Variants in HEATR6 observed in about 807,000 individuals in gnomAD.
HEATR6 encodes the protein HEAT repeat-containing protein 6.
HEATR6 carries 106 observed loss-of-function variants against 132.8 expected under a neutral mutation model. That is an observed-to-expected ratio of 0.80 (90% confidence interval 0.68 to 0.94). The LOEUF is 0.94. Among genes scored for constraint, HEATR6 ranks in the 40% least tolerant of loss-of-function variants. The pLI is 0.00. For missense variants in HEATR6, 1,339 were observed against 1,425.1 expected (o/e 0.94, Z 0.97); for synonymous variants, 529 against 537.8 (o/e 0.98, Z 0.23).
chr17:60,059,855 G>A (rs758106067), intron 10 of HEATR6, 35 bp downstream of exon 10: 1 of 1,507,942 alleles, frequency 6.6e-7, no homozygotes, highest in South Asian at 1.1e-5. Flanking sequence ...TTAAAACAGA[G>A]AAGCCTGCTC....
chr17:60,058,340 C>T (rs1906820684), intron 11 of HEATR6, among the ~76,000 whole-genome samples: 1 of 152,012 alleles, frequency 6.6e-6, no homozygotes, highest in Admixed American at 6.6e-5. Flanking sequence ...TAGGCTCATA[C>T]CTAAGAATTT....
chr17:60,056,393 A>G (rs971774818), intron 12 of HEATR6, among the ~76,000 whole-genome samples, 156 bp from the exon 13 acceptor site: 1 of 152,250 alleles, frequency 6.6e-6, no homozygotes, highest in African/African-American at 2.4e-5. Flanking sequence ...TGTGACTAAC[A>G]TCAATAAACT....
chr17:60,047,435 T>TA (rs1906407432), intron 17 of HEATR6, 30 bp from the exon 18 acceptor site: 1 of 1,372,362 alleles, frequency 7.3e-7, no homozygotes, highest in Non-Finnish European at 1.0e-6. Context: ...CAACACATGT[T>TA]AAAAGGTAAA....
At chr17:60,071,578 C>A (rs1369557616) in intron 5 of HEATR6, among the ~76,000 whole-genome samples, 1 of 152,132 alleles carries the variant, frequency 6.6e-6, no homozygotes, top group Non-Finnish European at 1.5e-5. Flanking sequence ...GGTCTTCCAG[C>A]CATAGCAGTT....
At chr17:60,044,988 A>C (rs1441100308) in intron 19 of HEATR6, among the ~76,000 whole-genome samples, 3 of 152,130 alleles carry the variant, frequency 2.0e-5, no homozygotes, top group Non-Finnish European at 4.4e-5. Flanking sequence ...GATGCTTTCT[A>C]GTTCTCAAAC....
intron 8 of HEATR6, among the ~76,000 whole-genome samples, chr17:60,067,138 C>T (rs1597954550): frequency 6.6e-6 from 1 of 150,820 alleles, no homozygotes; most frequent in East Asian, 2.0e-4. Context: ...GGCGTAGTGG[C>T]GGGCGCCTGT....
At position 60,066,114 on chromosome 17, in the gene HEATR6, C is replaced by G. The variant is rs567756953; in HGVS notation, c.1416+95G>C. The stretch of plus-strand genomic sequence containing the variant: ...GAACTTGGGTCAGTGTTACTAAGAG[C>G]TATATTCAGATCAGACAGGATAAGG... On this transcript the variant is annotated intron_variant, in intron 9 of 19. Transcript: ENST00000184956. 1.5e-5 allele frequency: 16 copies of G among 1,066,920 alleles called. No individual in the cohort carries two copies. In the East Asian group the frequency reaches 3.9e-4, roughly 26 times the overall value. 66.1% of individuals were successfully genotyped at this position (1,066,920 alleles called of 1,614,324 possible).
intron 6 of HEATR6, among the ~76,000 whole-genome samples, 161 bp downstream of exon 6, chr17:60,070,545 A>G (rs1283924543): frequency 6.6e-6 from 1 of 152,144 alleles, no homozygotes; most frequent in Non-Finnish European, 1.5e-5. Flanking sequence ...TCTGTTCTTA[A>G]TATTAAGTGT....
chr17:60,069,363 T>C (rs1400402759), intron 7 of HEATR6, among the ~76,000 whole-genome samples: 1 of 152,248 alleles, frequency 6.6e-6, no homozygotes, highest in Non-Finnish European at 1.5e-5. Context: ...ATAGAGTTGG[T>C]AGTTATGACA....
chr17:60,058,059 T>G (rs184828912), intron 11 of HEATR6, among the ~76,000 whole-genome samples: 208 of 152,348 alleles, frequency 1.4e-3, no homozygotes, highest in African/African-American at 4.7e-3. Flanking sequence ...GTCCTTCAGT[T>G]TTGTTCTTCT....
At chr17:60,061,766 T>C (rs1403680542) in intron 9 of HEATR6, among the ~76,000 whole-genome samples, 1 of 152,264 alleles carries the variant, frequency 6.6e-6, no homozygotes, top group Non-Finnish European at 1.5e-5. Flanking sequence ...AAACAGGTGG[T>C]GGGCCAGATT....
In HEATR6 at chr17:60,067,725, T is replaced by G; in HGVS notation, c.947A>C (p.Lys316Thr). Residue 316 changes from lysine to threonine, a missense_variant, in exon 8 of 20, where the codon AAG becomes ACG. By Grantham distance (78) the Lys-to-Thr change is moderately conservative. Coordinates refer to ENST00000184956, the MANE Select transcript of HEATR6 (RefSeq NM_022070.5). ...CTTTGGTTTTACTTTGGATTTTTTCTTTTTATTCTGATTGTGGGAGCAAAT... is the reference window on the plus strand; with the variant it reads ...CTTTGGTTTTACTTTGGATTTTTTCGTTTTATTCTGATTGTGGGAGCAAAT... ...SSASRPTLNK[K>T]KKSKVKPKKI... The G allele has an allele frequency of 6.2e-7, 1 of 1,611,048 alleles. No individual in the cohort carries two copies.
Position 60,044,070 on chromosome 17 carries a change from G to A in HEATR6, c.3039C>T (p.Asn1013=). Residue 1013 remains asparagine, a synonymous_variant, in exon 20 of 20, where the codon AAC becomes AAT. Transcript: ENST00000184956. ...CTGCAGATCTGATGCGCACTTTGAA[G>A]TTCTTGCATGATGTCACGACCGATG... The part of the protein sequence containing the change: ...ALTSVVTSCK[N]FKVRIRSAAA... 5 of 1,614,160 alleles carry A rather than the reference G, an allele frequency of 3.1e-6. No individual in the cohort carries two copies. The highest frequency in any genetic ancestry group is 4.2e-6 in the Non-Finnish European group (5 of 1,180,024).
chr17:60,057,928 T>C (rs1329269773), intron 11 of HEATR6, among the ~76,000 whole-genome samples: 1 of 152,188 alleles, frequency 6.6e-6, no homozygotes, highest in Non-Finnish European at 1.5e-5. Flanking sequence ...ACTATATTTA[T>C]GTGGGTCTAT....
Position 60,043,332 on chromosome 17 carries a change from G to A in HEATR6, c.*231C>T, listed in dbSNP as rs1427617023. 6 of 494,554 alleles carry A rather than the reference G, an allele frequency of 1.2e-5. No individual in the cohort carries two copies. The highest frequency in any genetic ancestry group is 3.7e-5 in the Admixed American group (1 of 27,254). 30.6% of individuals were successfully genotyped at this position (494,554 alleles called of 1,614,324 possible). ...GGCCTGTATTACAACCTGACTCCTC[G>A]GCTCCTGGATGCACAGGTCAGATGT... On this transcript the variant is annotated 3_prime_UTR_variant, in exon 20 of 20. Coordinates refer to ENST00000184956, the MANE Select transcript of HEATR6 (RefSeq NM_022070.5).
In HEATR6 at chr17:60,074,000, C is replaced by T. The variant is rs559165353; in HGVS notation, c.328-114G>A. ...TATAAAAGAGAGAGTGTGTGTCTGTCGTTTATGTGTCAAAAGGATCACCTC... is the reference window on the plus strand; with the variant it reads ...TATAAAAGAGAGAGTGTGTGTCTGTTGTTTATGTGTCAAAAGGATCACCTC... On this transcript the variant is annotated intron_variant, in intron 2 of 19. Coordinates refer to ENST00000184956, the MANE Select transcript of HEATR6 (RefSeq NM_022070.5). 1.6e-4 allele frequency: 234 copies of T among 1,428,390 alleles called. 1 individual carries two copies. The East Asian group carries it at 5.0e-3, about 30-fold the overall frequency. 88.5% of individuals were successfully genotyped at this position (1,428,390 alleles called of 1,614,324 possible).
intron 9 of HEATR6, among the ~76,000 whole-genome samples, chr17:60,065,310 T>G (rs1315254150): frequency 6.6e-6 from 1 of 152,210 alleles, no homozygotes; most frequent in Non-Finnish European, 1.5e-5. Flanking sequence ...TCTTATATAG[T>G]AAGTTACTCA....
At chr17:60,077,665 C>T (rs145586560) in intron 1 of HEATR6, among the ~76,000 whole-genome samples, 22 of 152,252 alleles carry the variant, frequency 1.4e-4, no homozygotes, top group Admixed American at 2.6e-4. Context: ...GAAGACTTTT[C>T]CAAAGCAGAT....
At position 60,056,176 on chromosome 17, in the gene HEATR6, C is replaced by T. The variant is rs376200138; in HGVS notation, c.2141G>A (p.Gly714Glu). ...CCCCATGCACTTGCAAATCACCTCT[C>T]CAAGCTCCATCAAGTAGGCTTGAGT... Reference protein sequence around the residue: ...SMTQAYLMELGEVICKCMGEA... With the variant: ...SMTQAYLMELEEVICKCMGEA... The change falls in exon 13 of 20, where the codon GGA (glycine) becomes GAA (glutamate). Residue 714 changes from glycine to glutamate, a missense_variant. Transcript: ENST00000184956. The T allele has an allele frequency of 1.1e-5, 17 of 1,613,966 alleles. No homozygotes were observed. Among genetic ancestry groups the T allele is most frequent in the Non-Finnish European group, 1.4e-5 (16 of 1,179,964 alleles).
Sources: gnomAD v4.1 joint callset for allele counts (sites outside exome capture counted in the v4.1 genomes callset) on GRCh38, gnomAD v4.1.1 for gene constraint, MANE v1.5 for transcripts, NCBI Gene and HGNC (gene_info 2026-07-23, HGNC 2026-07-21) for gene names.